CACNA1A: variants seen among roughly 807,000 people sequenced by gnomAD.
The protein encoded by CACNA1A is calcium voltage-gated channel subunit alpha1 A.
A neutral mutation model predicts 262.4 loss-of-function variants in CACNA1A; 57 were observed. The observed-to-expected ratio is 0.22, with a 90% CI of 0.18 to 0.27. The LOEUF (loss-of-function observed/expected upper bound fraction) is 0.27. Among genes scored for constraint, CACNA1A ranks in the 10% least tolerant of loss-of-function variants. The pLI is 1.00. For missense variants in CACNA1A, 2,526 were observed against 3,562.8 expected, an observed-to-expected ratio of 0.71 and a Z score of 7.41; for synonymous variants, 1,431 against 1,419.3, an observed-to-expected ratio of 1.01 and a Z score of -0.18.
intron 3 of CACNA1A, among the ~76,000 whole-genome samples, chr19:13,435,696 A>G (rs1309847352): frequency 1.3e-5 from 2 of 152,220 alleles, no homozygotes; most frequent in South Asian, 2.1e-4. Flanking sequence ...GGTGTTTATC[A>G]TAACTCCCTC....
chr19:13,406,236 C>G (rs1370268893), intron 3 of CACNA1A, among the ~76,000 whole-genome samples: 1 of 151,716 alleles, frequency 6.6e-6, no homozygotes, highest in Non-Finnish European at 1.5e-5. Flanking sequence ...AGACTGATCA[C>G]TTGAGCCCAG....
chr19:13,211,916 T>A, intron 43 of CACNA1A, 187 bp downstream of exon 43: 1 of 573,818 alleles, frequency 1.7e-6, no homozygotes, highest in South Asian at 2.1e-5. Flanking sequence ...GGGAGGAGGG[T>A]CTGCAGGTGC....
At chr19:13,459,742 C>T (rs1309668693) in intron 1 of CACNA1A, among the ~76,000 whole-genome samples, 1 of 152,196 alleles carries the variant, frequency 6.6e-6, no homozygotes, top group African/African-American at 2.4e-5. Context: ...TCTGCCATCC[C>T]ACTCCTCCGG....
At position 13,241,219 on chromosome 19, in the gene CACNA1A, T is replaced by C. The variant is rs2056072150; in HGVS notation, c.4950+3963A>G. ...GAGTGTAGGGGATGTGTGTGCGGGA[T>C]GGGGCAAGAGAGAGGTGCTGCGCTG... On this transcript the variant is annotated intron_variant, in intron 31 of 46. Coordinates refer to ENST00000360228, the MANE Select transcript of CACNA1A (RefSeq NM_001127222.2). This position sits in a 1 kb window ranked among gnomAD's most constrained non-coding sequence, Gnocchi z 4.0. Among the ~76,000 whole-genome samples, 1 of 151,946 alleles carries C rather than the reference T, an allele frequency of 6.6e-6. No homozygotes were observed. Among genetic ancestry groups the C allele is most frequent in the South Asian group, 2.1e-4 (1 of 4,804 alleles).
Position 13,472,314 on chromosome 19 carries a change from A to C in CACNA1A, c.294-17102T>G, listed in dbSNP as rs999979076. Among the ~76,000 whole-genome samples, 7 of 151,904 alleles carry C rather than the reference A, an allele frequency of 4.6e-5. No individual in the cohort carries two copies. In the East Asian group the frequency reaches 1.2e-3, roughly 25 times the overall value. On this transcript the variant is annotated intron_variant, in intron 1 of 46. Transcript: ENST00000360228. ...TAGATAGATATGTATATATGTATAC[A>C]TATATATGCTTTATATATGTAATAT...
intron 4 of CACNA1A, among the ~76,000 whole-genome samples, chr19:13,367,370 T>A (rs1286139971): frequency 1.3e-5 from 2 of 151,376 alleles, no homozygotes; most frequent in East Asian, 3.9e-4. Flanking sequence ...GCCCCATGTT[T>A]GCCCATGTGC....
chr19:13,435,709 G>A (rs2060599860), intron 3 of CACNA1A, among the ~76,000 whole-genome samples: 1 of 152,180 alleles, frequency 6.6e-6, no homozygotes, highest in Admixed American at 6.5e-5. Flanking sequence ...ACTCCCTCGG[G>A]TCACTCGGCT....
chr19:13,375,619 C>G (rs1404507996), intron 3 of CACNA1A, among the ~76,000 whole-genome samples: 1 of 151,988 alleles, frequency 6.6e-6, no homozygotes, highest in Non-Finnish European at 1.5e-5. Context: ...GAGACCCTAT[C>G]TCTACAGAAA....
intron 6 of CACNA1A, among the ~76,000 whole-genome samples, chr19:13,342,977 A>T (rs1411223878): frequency 6.6e-6 from 1 of 151,998 alleles, no homozygotes; most frequent in East Asian, 1.9e-4. Flanking sequence ...CTGGTCTCGA[A>T]CTCCTGGGCT....
chr19:13,308,288 G>C lies in CACNA1A; in HGVS notation c.1782-37C>G, dbSNP rs200221609. ...GGCCAGGCGAGGACTCAGGCCAGGC[G>C]GGGGAGGCAGGGCCCCGGAGTCAGC... On this transcript the variant is annotated intron_variant, in intron 13 of 46. Transcript: ENST00000360228. The surrounding 1 kb of genome is among the most constrained non-coding windows in gnomAD (Gnocchi z 4.2). 2.6e-4 allele frequency: 422 copies of C among 1,594,714 alleles called. 1 individual carries two copies. Among genetic ancestry groups the C allele is most frequent in the Admixed American group, 5.9e-4 (34 of 58,070 alleles).
At chr19:13,238,257 T>C (rs537469803) in intron 31 of CACNA1A, among the ~76,000 whole-genome samples, 3 of 152,260 alleles carry the variant, frequency 2.0e-5, no homozygotes, top group Admixed American at 1.3e-4. Context: ...CAGCTTCCTC[T>C]CTTCAACACC....
At chr19:13,369,441 C>A (rs1461455827) in intron 4 of CACNA1A, among the ~76,000 whole-genome samples, 1 of 152,178 alleles carries the variant, frequency 6.6e-6, no homozygotes, top group Non-Finnish European at 1.5e-5. Context: ...AAGAGCCGTC[C>A]CCCAATAAAG....
chr19:13,498,329 T>C (rs1195757577), intron 1 of CACNA1A, among the ~76,000 whole-genome samples: 3 of 152,170 alleles, frequency 2.0e-5, no homozygotes, highest in Non-Finnish European at 4.4e-5. Flanking sequence ...TGAAAATACT[T>C]TAAAAATCAG....
intron 1 of CACNA1A, among the ~76,000 whole-genome samples, chr19:13,468,212 T>C (rs1344343524): frequency 6.6e-6 from 1 of 151,598 alleles, no homozygotes; most frequent in African/African-American, 2.4e-5. Context: ...GGGAAGAGAG[T>C]GAGGAGTGAG....
intron 38 of CACNA1A, among the ~76,000 whole-genome samples, chr19:13,217,412 G>C (rs2055054368): frequency 6.6e-6 from 1 of 152,172 alleles, no homozygotes; most frequent in African/African-American, 2.4e-5. Flanking sequence ...AAAGTGAGCT[G>C]AACTATGAAA....
chr19:13,385,711 T>C (rs183387089), intron 3 of CACNA1A, among the ~76,000 whole-genome samples: 53 of 152,274 alleles, frequency 3.5e-4, no homozygotes, highest in African/African-American at 1.3e-3. Flanking sequence ...TTTCATCTGT[T>C]TTGTTCATAG....
chr19:13,337,091 T>C (rs573930121), intron 6 of CACNA1A, among the ~76,000 whole-genome samples: 1 of 152,332 alleles, frequency 6.6e-6, no homozygotes, highest in Admixed American at 6.5e-5. Flanking sequence ...ACCAGGTGTC[T>C]GTGAAGCTGT....
chr19:13,309,379 T>A (rs2057970670), intron 12 of CACNA1A, among the ~76,000 whole-genome samples: 1 of 152,034 alleles, frequency 6.6e-6, no homozygotes, highest in Non-Finnish European at 1.5e-5. Context: ...GTGAATGTCA[T>A]GCAACTACTA....
chr19:13,332,443 G>C (rs1363090794), intron 9 of CACNA1A, among the ~76,000 whole-genome samples: 1 of 151,904 alleles, frequency 6.6e-6, no homozygotes, highest in Non-Finnish European at 1.5e-5. Flanking sequence ...GTTCTGTCTC[G>C]TTAAGTTTCT....
Sources: gnomAD v4.1 joint callset for allele counts (sites outside exome capture counted in the v4.1 genomes callset) on GRCh38, gnomAD v4.1.1 for gene constraint, Gnocchi (gnomAD v3.1) non-coding constraint, MANE v1.5 for transcripts, NCBI Gene and HGNC (gene_info 2026-07-23, HGNC 2026-07-21) for gene names.